GAK: variants seen among roughly 807,000 people sequenced by gnomAD.
The protein encoded by GAK is cyclin-G-associated kinase.
A neutral mutation model predicts 143.9 loss-of-function variants in GAK; 79 were observed. The ratio of observed to expected loss-of-function variants is 0.55; its 90% CI spans 0.46 to 0.66. GAK has a LOEUF of 0.66. Among genes scored for constraint, GAK ranks in the 30% least tolerant of loss-of-function variants. GAK has a pLI of 0.00. For synonymous variants in GAK, 881 were observed against 765.5 expected, an observed-to-expected ratio of 1.15 and a Z score of -2.49; for missense variants, 1,693 against 1,779.7, an observed-to-expected ratio of 0.95 and a Z score of 0.88.
chr4:903,416 G>A (rs976016634), intron 5 of GAK, among the ~76,000 whole-genome samples: 17 of 152,206 alleles, frequency 1.1e-4, no homozygotes, highest in South Asian at 8.3e-4. Flanking sequence ...CAAGGGGTCC[G>A]GCCCCCGACC....
At chr4:859,135 C>T (rs779209282) in intron 24 of GAK, 30 of 981,750 alleles carry the variant, frequency 3.1e-5, no homozygotes, top group Non-Finnish European at 3.4e-5. Context: ...CGCCCGGGGC[C>T]GGGCCTGAGG....
At chr4:868,438 T>G in intron 20 of GAK, 101 bp downstream of exon 20, 1 of 1,284,034 alleles carries the variant, frequency 7.8e-7, no homozygotes, top group Non-Finnish European at 1.1e-6. Context: ...AACTCAGCTC[T>G]GCCGGAGGCC....
In GAK at chr4:866,285, C is replaced by T; in HGVS notation, c.3043+79G>A. 4.2e-6 allele frequency: 6 copies of T among 1,440,618 alleles called. No individual in the cohort carries two copies. The South Asian group carries it at 7.4e-5, about 18-fold the overall frequency. The allele number at this position is 1,440,618 out of a possible 1,614,324, so 89.2% of individuals were successfully genotyped here. ...CAGCCCCACCACTGCCTGAGACCCA[C>T]AGCTCTGTTTCCCACCAGAGGCTGC... On this transcript the variant is annotated intron_variant, in intron 22 of 27. Coordinates refer to ENST00000314167, the MANE Select transcript of GAK (RefSeq NM_005255.4).
chr4:888,108 C>T (rs56223707), intron 11 of GAK: 20,570 of 152,346 alleles, frequency 0.14, 1,780 homozygotes, highest in Middle Eastern at 0.31. Context: ...CCGAAGGTGT[C>T]GCCAGCTGTG....
At chr4:877,328 T>C (rs1714145962) in intron 16 of GAK, 121 bp from the exon 17 acceptor site, 5 of 725,200 alleles carry the variant, frequency 6.9e-6, no homozygotes, top group South Asian at 5.1e-5. Flanking sequence ...CAATAAAGAA[T>C]AACCCCCATG....
intron 12 of GAK, among the ~76,000 whole-genome samples, 183 bp from the exon 13 acceptor site, chr4:883,646 C>A (rs1181466746): frequency 6.6e-6 from 1 of 152,236 alleles, no homozygotes; most frequent in Non-Finnish European, 1.5e-5. Context: ...GACCTAGGAG[C>A]ATGGACCCAG....
chr4:926,580 C>T (rs1308592531), intron 1 of GAK, among the ~76,000 whole-genome samples: 1 of 152,206 alleles, frequency 6.6e-6, no homozygotes, highest in Non-Finnish European at 1.5e-5. Flanking sequence ...TACTACTGAC[C>T]ATGCTCGGCA....
chr4:889,759 G>A (rs189263709), intron 10 of GAK, among the ~76,000 whole-genome samples: 1 of 152,336 alleles, frequency 6.6e-6, no homozygotes, highest in East Asian at 1.9e-4. Flanking sequence ...AGACCCAGCC[G>A]CTGCCTGTCA....
chr4:886,469 G>A (rs56785826), intron 11 of GAK: 20,253 of 152,216 alleles, frequency 0.13, 1,766 homozygotes, highest in Middle Eastern at 0.31. Context: ...AGCTGTGCCC[G>A]GCTCCCTGAA....
At chr4:913,348 C>G (rs1722374288) in intron 2 of GAK, among the ~76,000 whole-genome samples, 2 of 152,206 alleles carry the variant, frequency 1.3e-5, no homozygotes, top group South Asian at 4.1e-4. Flanking sequence ...GAGGGCATGA[C>G]CCCACCATGA....
rs758109653 is a variant in GAK, at chr4:866,399, G to A, written c.3008C>T (p.Pro1003Leu). ...GAAGTCGGCGCTGCAGGATGGGGGCGGAGCACTGTGGGCAGACGGGAAGGA... is the reference window on the plus strand; with the variant it reads ...GAAGTCGGCGCTGCAGGATGGGGGCAGAGCACTGTGGGCAGACGGGAAGGA... ...PPSFPSAHSA[P>L]PPSCSADFLH... Residue 1003 changes from proline to leucine, a missense_variant, in exon 22 of 28, where the codon CCG (proline) becomes CTG (leucine). Pro to Leu is a moderately conservative substitution (Grantham distance 98, BLOSUM62 -3). Around this residue, in one of 2 missense-constraint regions of GAK, gnomAD observed 822 missense variants for 788.7 expected, o/e 1.04. Coordinates refer to ENST00000314167, the MANE Select transcript of GAK (RefSeq NM_005255.4). 11 of 1,614,076 alleles carry A rather than the reference G, an allele frequency of 6.8e-6. No homozygotes were observed. The highest frequency in any genetic ancestry group is 1.7e-5 in the Admixed American group (1 of 60,022).
At chr4:866,923 G>C (rs773774851) in intron 21 of GAK, 33 bp downstream of exon 21, 1 of 1,412,200 alleles carries the variant, frequency 7.1e-7, no homozygotes, top group Non-Finnish European at 9.5e-7. Context: ...CATCTACTGT[G>C]AAGCCACTCG....
At chr4:869,131 GCACA>G (rs1173886196) in intron 19 of GAK, 5 of 184,568 alleles carry the variant, frequency 2.7e-5, no homozygotes, top group African/African-American at 1.3e-4. Context: ...TGCACAGACA[GCACA>G]CACATAGATG....
At chr4:910,496 C>T (rs930706322) in intron 4 of GAK, among the ~76,000 whole-genome samples, 19 of 152,040 alleles carry the variant, frequency 1.2e-4, no homozygotes, top group Admixed American at 7.9e-4. Context: ...CCCCCTTGCT[C>T]GCCCTCCATT....
chr4:867,325 G>A lies in GAK; in HGVS notation c.2503C>T (p.Pro835Ser), dbSNP rs375746181. 2 of 1,610,720 alleles carry A rather than the reference G, an allele frequency of 1.2e-6. No homozygotes were observed. Among genetic ancestry groups the A allele is most frequent in the Non-Finnish European group, 1.7e-6 (2 of 1,178,098 alleles). ...ESEVSDEGGS[P>S]ISSEGQEPRA... ...GGTTCCTGGCCCTCGCTGGAGATCGGGGATCCCCCTTCATCTGACACCTCA... is the reference window on the plus strand; with the variant it reads ...GGTTCCTGGCCCTCGCTGGAGATCGAGGATCCCCCTTCATCTGACACCTCA... The change falls in exon 21 of 28, where the codon CCG becomes TCG. Residue 835 changes from proline to serine, a missense_variant. Physicochemically the swap from Pro to Ser is moderately conservative, Grantham distance 74 (BLOSUM62 -1). Transcript: ENST00000314167.
intron 1 of GAK, among the ~76,000 whole-genome samples, chr4:922,953 G>C (rs987938790): frequency 1.3e-5 from 2 of 152,210 alleles, no homozygotes; most frequent in Non-Finnish European, 2.9e-5. Context: ...TCACGCAGAG[G>C]AGTCTCACCA....
intron 4 of GAK, 94 bp downstream of exon 4, chr4:911,579 G>A (rs1029244023): frequency 3.0e-5 from 25 of 820,148 alleles, no homozygotes; most frequent in East Asian, 5.1e-5. Flanking sequence ...AGAAGATGCC[G>A]GGCATGTTTC....
chr4:852,735 C>A (rs1748395019), intron 24 of GAK: 1 of 152,444 alleles, frequency 6.6e-6, no homozygotes, highest in Non-Finnish European at 1.5e-5. Flanking sequence ...AGCCACCGTG[C>A]CTGGCCCGAT....
chr4:862,184 G>A (rs1750407837), intron 23 of GAK, among the ~76,000 whole-genome samples: 2 of 151,986 alleles, frequency 1.3e-5, no homozygotes, highest in South Asian at 4.1e-4. Flanking sequence ...GCAGATATGA[G>A]ACGGCCTAAG....
Sources: allele counts gnomAD v4.1 joint callset (sites outside exome capture counted in the v4.1 genomes callset), GRCh38; gene constraint gnomAD v4.1.1; regional missense constraint gnomAD v4.1.1; transcripts MANE v1.5; gene names NCBI Gene and HGNC (gene_info 2026-07-23, HGNC 2026-07-21).